TPST2: variants seen among roughly 807,000 people sequenced by gnomAD.
The protein encoded by TPST2 is tyrosylprotein sulfotransferase 2, also known as protein-tyrosine sulfotransferase 2.
A neutral mutation model predicts 27.8 loss-of-function variants in TPST2; 16 were observed. The observed-to-expected ratio is 0.58, with a 90% CI of 0.39 to 0.88. The LOEUF (loss-of-function observed/expected upper bound fraction) is 0.88, where lower values mean the gene tolerates loss of function less well. TPST2 is among the 40% of genes least tolerant of loss of function. TPST2 has a pLI of 0.00. For synonymous variants in TPST2, 229 were observed against 231.7 expected, an observed-to-expected ratio of 0.99 and a Z score of 0.10; for missense variants, 464 against 543.1, an observed-to-expected ratio of 0.85 and a Z score of 1.45.
chr22:26,538,240 G>C (rs1318318450), intron 3 of TPST2, among the ~76,000 whole-genome samples: 1 of 152,228 alleles, frequency 6.6e-6, no homozygotes, highest in Non-Finnish European at 1.5e-5. Flanking sequence ...GAAGGTGAAA[G>C]GGTGTGGACT....
In TPST2 at chr22:26,538,007, A is replaced by G. The variant is rs1925570814; in HGVS notation, c.843-1521T>C. The stretch of plus-strand genomic sequence containing the variant: ...TACCATGGAATAACCATCATCTTCA[A>G]CCTGCTTCCTAACTCTCCCTGTAAC... On this transcript the variant is annotated intron_variant, in intron 3 of 6. Transcript: ENST00000338754. 3.3e-5 allele frequency among the ~76,000 whole-genome samples: 5 copies of G among 152,268 alleles called. No homozygotes were observed. In the South Asian group the frequency reaches 1.0e-3, roughly 32 times the overall value.
At position 26,523,330 on chromosome 22, in the gene TPST2, CA is replaced by C. The variant is rs1478111016; in HGVS notation, c.*2944del. ...AATTTAAAGTCTGGAAGACTATGTA[CA>C]AACAGAAAATGGTAGCATTACCTTT... On this transcript the variant is annotated 3_prime_UTR_variant, in exon 7 of 7. Coordinates refer to ENST00000338754, the MANE Select transcript of TPST2 (RefSeq NM_003595.5). 1.3e-5 allele frequency: 2 copies of C among 152,140 alleles called. No homozygotes were observed. The highest frequency in any genetic ancestry group is 4.8e-5 in the African/African-American group (2 of 41,428). The allele number at this position is 152,140 out of a possible 1,614,324, so 9.4% of individuals were successfully genotyped here. A position where few individuals can be genotyped will look rare whatever the true frequency, so the allele number is the denominator to read the frequency against.
At chr22:26,573,586 C>T (rs1927716387) in intron 1 of TPST2, among the ~76,000 whole-genome samples, 1 of 152,186 alleles carries the variant, frequency 6.6e-6, no homozygotes, top group African/African-American at 2.4e-5. Flanking sequence ...GGAGGTTTTG[C>T]AATGGCTGAT....
intron 1 of TPST2, among the ~76,000 whole-genome samples, chr22:26,559,022 C>T (rs1234309550): frequency 6.6e-6 from 1 of 152,220 alleles, no homozygotes; most frequent in Non-Finnish European, 1.5e-5. Flanking sequence ...TGTTTCATAA[C>T]AGCTTTACTG....
intron 1 of TPST2, among the ~76,000 whole-genome samples, chr22:26,554,851 T>C (rs932460437): frequency 5.9e-5 from 9 of 152,308 alleles, no homozygotes; most frequent in East Asian, 3.9e-4. Flanking sequence ...AGCACAAGAA[T>C]TGCTTGAACC....
At chr22:26,588,725 T>C (rs1928436707) in intron 1 of TPST2, among the ~76,000 whole-genome samples, 1 of 152,158 alleles carries the variant, frequency 6.6e-6, no homozygotes, top group African/African-American at 2.4e-5. Context: ...TTATGGAAAC[T>C]GAGACTAGAT....
rs1041671177 is a variant in TPST2, at chr22:26,522,122, G to C, written c.*4153C>G. 6.6e-6 allele frequency: 1 copy of C among 152,078 alleles called. No individual in the cohort carries two copies. The highest frequency in any genetic ancestry group is 2.1e-4 in the South Asian group (1 of 4,812). The allele number at this position is 152,078 out of a possible 1,614,324, so 9.4% of individuals were successfully genotyped here. On this transcript the variant is annotated 3_prime_UTR_variant, in exon 7 of 7. Coordinates refer to ENST00000338754, the MANE Select transcript of TPST2 (RefSeq NM_003595.5). ...CTTTACTAAACTAGATAATGTGTTT[G>C]CTTATCTCATGGATTTCTCTTAACC...
intron 1 of TPST2, among the ~76,000 whole-genome samples, chr22:26,576,451 G>A (rs1260593369): frequency 1.3e-5 from 2 of 152,098 alleles, no homozygotes; most frequent in Non-Finnish European, 2.9e-5. Context: ...TGTCATCACA[G>A]ACATCAGAGG....
In TPST2 at chr22:26,566,551, CA is replaced by C. The variant is rs199639951; in HGVS notation, c.-160-21877del. ...TTGGTGACAGAGCAAGACTCTGTCT[CA>C]AAAAAAAAGAAAAAGACAAAGAAAA... On this transcript the variant is annotated intron_variant, in intron 1 of 6. Transcript: ENST00000338754. 2.3e-5 allele frequency among the ~76,000 whole-genome samples: 3 copies of C among 131,216 alleles called. No individual in the cohort carries two copies. In the East Asian group the frequency reaches 6.4e-4, roughly 28 times the overall value. The allele number at this position is 131,216 out of a possible 152,430, so 86.1% of individuals were successfully genotyped here.
intron 1 of TPST2, among the ~76,000 whole-genome samples, chr22:26,568,486 A>T (rs1927464197): frequency 6.6e-6 from 1 of 152,244 alleles, no homozygotes; most frequent in African/African-American, 2.4e-5. Context: ...CATTAATAAA[A>T]CATGATGCAA....
chr22:26,583,917 T>G (rs753018752), intron 1 of TPST2, among the ~76,000 whole-genome samples: 14 of 152,162 alleles, frequency 9.2e-5, no homozygotes, highest in African/African-American at 2.7e-4. Context: ...CATCCTCAGA[T>G]CCCCTGAAAA....
rs542931269 is a variant in TPST2 at position 26,524,594 on chromosome 22, T to G, written c.*1681A>C. On this transcript the variant is annotated 3_prime_UTR_variant, in exon 7 of 7. Transcript: ENST00000338754. ...ACAAAGTCTCAAGCCATACAGCCAG[T>G]AGGTCAGCCTGACTCCAAAAACCCA... 1 of 152,322 alleles carries G rather than the reference T, an allele frequency of 6.6e-6. No homozygotes were observed. The highest frequency in any genetic ancestry group is 2.1e-4 in the South Asian group (1 of 4,824). 9.4% of individuals were successfully genotyped at this position (152,322 alleles called of 1,614,324 possible). A position where few individuals can be genotyped will look rare whatever the true frequency, so the allele number is the denominator to read the frequency against.
intron 1 of TPST2, among the ~76,000 whole-genome samples, chr22:26,583,299 T>G (rs771633670): frequency 6.7e-6 from 1 of 150,368 alleles, no homozygotes; most frequent in South Asian, 2.1e-4. Context: ...TAGCTGGGCA[T>G]GGTAGTAGGC....
intron 1 of TPST2, among the ~76,000 whole-genome samples, chr22:26,555,521 TG>T (rs1409158238): frequency 6.6e-6 from 1 of 152,196 alleles, no homozygotes; most frequent in Non-Finnish European, 1.5e-5. Flanking sequence ...GCACCTACCT[TG>T]TGGAGCTGTT....
At position 26,549,656 on chromosome 22, in the gene TPST2, CAAAAAAAAAAAA is replaced by C. The variant is rs71192939; in HGVS notation, c.-160-4993_-160-4982del. On this transcript the variant is annotated intron_variant, in intron 1 of 6. Transcript: ENST00000338754. ...TGGGCGACAGAGCAAGACTCCGTCT[CAAAAAAAAAAAA>C]AAAAAAAGAAAAAGAAAAAAGAAAA... Among the ~76,000 whole-genome samples the C allele has an allele frequency of 8.4e-4, 49 of 58,656 alleles. No individual in the cohort carries two copies. In the East Asian group the frequency reaches 0.023, roughly 28 times the overall value. 38.5% of individuals were successfully genotyped at this position (58,656 alleles called of 152,430 possible).
chr22:26,589,296 T>C (rs571076243), intron 1 of TPST2, among the ~76,000 whole-genome samples: 1 of 152,068 alleles, frequency 6.6e-6, no homozygotes, highest in Non-Finnish European at 1.5e-5. Flanking sequence ...TGAGTGGGAA[T>C]GCCAGACCTC....
At chr22:26,571,353 G>A (rs1463847002) in intron 1 of TPST2, among the ~76,000 whole-genome samples, 1 of 151,580 alleles carries the variant, frequency 6.6e-6, no homozygotes, top group South Asian at 2.1e-4. Flanking sequence ...CTTCTTCAAG[G>A]CCTCTTCTGA....
At chr22:26,573,892 T>C (rs763089) in intron 1 of TPST2, among the ~76,000 whole-genome samples, 67,285 of 151,934 alleles carry the variant, frequency 0.44, 15,839 homozygotes, top group East Asian at 0.74. Flanking sequence ...GACTGTGATA[T>C]CTTCTTCGTT....
intron 4 of TPST2, among the ~76,000 whole-genome samples, chr22:26,535,074 C>T (rs533180210): frequency 9.9e-4 from 151 of 152,304 alleles, no homozygotes; most frequent in Non-Finnish European, 1.6e-3. Context: ...CAAAGCTCAG[C>T]GTTAGTAAAT....
Sources: gnomAD v4.1 joint callset for allele counts (sites outside exome capture counted in the v4.1 genomes callset) on GRCh38, gnomAD v4.1.1 for gene constraint, MANE v1.5 for transcripts, NCBI Gene and HGNC (gene_info 2026-07-23, HGNC 2026-07-21) for gene names.